Variants in ASIP observed in about 807,000 individuals in gnomAD.
ASIP encodes agouti-signaling protein.
In ASIP, 11 loss-of-function variants were observed where a neutral mutation model predicts 10.3. That is an observed-to-expected ratio of 1.07 (90% CI 0.68 to 1.78). ASIP has a LOEUF of 1.78. Ranked by LOEUF, ASIP falls within the 40% of genes most tolerant of loss-of-function variation. The pLI is 0.00. For missense variants in ASIP, 180 were observed against 169.2 expected (o/e 1.06, Z -0.35); for synonymous variants, 70 against 70.8 (o/e 0.99, Z 0.06).
At chr20:34,246,144 G>A (rs2035370580) in intron 1 of ASIP, 1 of 981,052 alleles carries the variant, frequency 1.0e-6, no homozygotes, top group Non-Finnish European at 1.6e-6. Flanking sequence ...AAAGTTGCAA[G>A]GCCACACACT....
intron 1 of ASIP, among the ~76,000 whole-genome samples, chr20:34,251,592 A>G (rs1601601077): frequency 1.3e-5 from 2 of 152,162 alleles, no homozygotes; most frequent in East Asian, 3.9e-4. Context: ...GTAACTATTT[A>G]AGCTGCCCAG....
intron 1 of ASIP, among the ~76,000 whole-genome samples, chr20:34,250,748 C>T (rs1003848183): frequency 1.3e-5 from 2 of 152,100 alleles, no homozygotes; most frequent in East Asian, 3.9e-4. Flanking sequence ...TTTGCCTCTT[C>T]TTCCATTCTC....
chr20:34,231,550 T>C (rs956640401), intron 1 of ASIP, among the ~76,000 whole-genome samples: 1 of 152,290 alleles, frequency 6.6e-6, no homozygotes, highest in South Asian at 2.1e-4. Flanking sequence ...AATTAATAAC[T>C]TCTATCAAAG....
At chr20:34,247,403 C>T (rs2035396843) in intron 1 of ASIP, among the ~76,000 whole-genome samples, 1 of 150,210 alleles carries the variant, frequency 6.7e-6, no homozygotes, top group Admixed American at 6.7e-5. Context: ...CGGGTTCAAG[C>T]GATTCTCCTG....
At chr20:34,264,905 C>A (rs1165268655) in intron 3 of ASIP, among the ~76,000 whole-genome samples, 1 of 150,414 alleles carries the variant, frequency 6.6e-6, no homozygotes, top group African/African-American at 2.5e-5. Flanking sequence ...AAGTGATCCT[C>A]CTGCCTCAGC....
chr20:34,245,400 A>AT (rs1387923987), intron 1 of ASIP, among the ~76,000 whole-genome samples: 1 of 148,440 alleles, frequency 6.7e-6, no homozygotes, highest in Non-Finnish European at 1.5e-5. Flanking sequence ...ATTTTATTTT[A>AT]TTTTTTTAGA....
chr20:34,238,148 G>A (rs1426497905), upstream of ASIP, among the ~76,000 whole-genome samples: 1 of 145,460 alleles, frequency 6.9e-6, no homozygotes, highest in Non-Finnish European at 1.5e-5. Context: ...CATCTTACTT[G>A]GAGTTCATTG....
chr20:34,200,948 T>TTTTCTTTCTTTCTTTCTTTCTTTCTTTC lies in ASIP; in HGVS notation c.-11+6212_-11+6213insTTTCTTTCTTTCTTTCTTTCTTTCTTTC, dbSNP rs1180213511. Reference sequence around the variant, plus strand: ...AGTGTTAGCTGTGTTTCAAACTTGATTTTCTTTCTTTCTTTCTTTCTTTCC... The same window carrying TTTTCTTTCTTTCTTTCTTTCTTTCTTTC: ...AGTGTTAGCTGTGTTTCAAACTTGATTTTCTTTCTTTCTTTCTTTCTTTCTTTCTTTCTTTCTTTCTTTCTTTCTTTCC... On this transcript the variant is annotated intron_variant, in intron 1 of 3. Transcript: ENST00000568305. Among the ~76,000 whole-genome samples the TTTTCTTTCTTTCTTTCTTTCTTTCTTTC allele has an allele frequency of 2.8e-5, 4 of 140,870 alleles. 1 individual carries two copies. The highest frequency in any genetic ancestry group is 1.1e-4 in the African/African-American group (4 of 35,184). 92.4% of individuals were successfully genotyped at this position (140,870 alleles called of 152,430 possible).
At chr20:34,204,772 AT>A (rs2034923833) in intron 1 of ASIP, among the ~76,000 whole-genome samples, 1 of 152,052 alleles carries the variant, frequency 6.6e-6, no homozygotes, top group Non-Finnish European at 1.5e-5. Flanking sequence ...TATGAAATGT[AT>A]TTTTCTCATC....
At chr20:34,223,501 G>A (rs572394924) in intron 1 of ASIP, among the ~76,000 whole-genome samples, 1 of 151,796 alleles carries the variant, frequency 6.6e-6, no homozygotes, top group South Asian at 2.1e-4. Flanking sequence ...GGAGGTGGGG[G>A]GTCAGCCCCC....
intron 1 of ASIP, among the ~76,000 whole-genome samples, chr20:34,235,827 A>AGG (rs1270593548): frequency 3.0e-5 from 2 of 66,690 alleles, no homozygotes; most frequent in African/African-American, 3.2e-4. Flanking sequence ...GAAAGAAAGA[A>AGG]AGAAAGAAAG....
At chr20:34,242,240 CTTAT>C (rs903061047) in intron 1 of ASIP, among the ~76,000 whole-genome samples, 15 of 149,916 alleles carry the variant, frequency 1.0e-4, no homozygotes, top group African/African-American at 3.2e-4. Flanking sequence ...TATTTATTTA[CTTAT>C]TTATTTTTGA....
chr20:34,214,199 G>A, intron 1 of ASIP: 1 of 1,304,356 alleles, frequency 7.7e-7, no homozygotes. Context: ...TTTGCTTATT[G>A]AGAGATTTGA....
chr20:34,246,360 G>A, intron 1 of ASIP: 2 of 1,498,474 alleles, frequency 1.3e-6, no homozygotes, highest in East Asian at 4.9e-5. Context: ...AGTTCATTTA[G>A]AAAATTCTTC....
At position 34,235,828 on chromosome 20, in the gene ASIP, A is replaced by G. The variant is rs1041406566; in HGVS notation, c.-10-24537A>G. On this transcript the variant is annotated intron_variant, in intron 1 of 3. Transcript: ENST00000568305. Reference sequence around the variant, plus strand: ...AAGAAAGAAAGAAAGAAAGAAAGAAAGAAAGAAAGAAAGAAGGAAGGAAGG... The same window carrying G: ...AAGAAAGAAAGAAAGAAAGAAAGAAGGAAAGAAAGAAAGAAGGAAGGAAGG... Among the ~76,000 whole-genome samples, 525 of 67,074 alleles carry G rather than the reference A, an allele frequency of 7.8e-3. 23 individuals carry two copies. The highest frequency in any genetic ancestry group is 0.064 in the African/African-American group (419 of 6,590). The allele number at this position is 67,074 out of a possible 152,430, so 44.0% of individuals were successfully genotyped here. A position where few individuals can be genotyped will look rare whatever the true frequency, so the allele number is the denominator to read the frequency against.
intron 1 of ASIP, chr20:34,213,684 T>C: frequency 6.5e-7 from 1 of 1,539,862 alleles, no homozygotes; most frequent in Non-Finnish European, 9.0e-7. Context: ...GTATATGTTC[T>C]GAAGCAGATG....
At chr20:34,205,315 G>A (rs531327193) in intron 1 of ASIP, among the ~76,000 whole-genome samples, 1 of 152,218 alleles carries the variant, frequency 6.6e-6, no homozygotes, top group East Asian at 1.9e-4. Flanking sequence ...CTCCCAATGG[G>A]TTTGTGGTCT....
upstream of ASIP, among the ~76,000 whole-genome samples, chr20:34,240,971 G>A (rs890779769): frequency 2.0e-5 from 3 of 152,166 alleles, no homozygotes; most frequent in African/African-American, 4.8e-5. Flanking sequence ...AGGTGGGGAA[G>A]CCAGCTCTGG....
At chr20:34,257,872 G>C (rs1331996588) in intron 1 of ASIP, among the ~76,000 whole-genome samples, 1 of 152,096 alleles carries the variant, frequency 6.6e-6, no homozygotes, top group African/African-American at 2.4e-5. Context: ...GGCTGGGTGC[G>C]GTGGCTCACA....
Sources: allele counts gnomAD v4.1 joint callset (sites outside exome capture counted in the v4.1 genomes callset), GRCh38; gene constraint gnomAD v4.1.1; transcripts MANE v1.5; gene names NCBI Gene and HGNC (gene_info 2026-07-23, HGNC 2026-07-21).